CRELD2: variants seen among roughly 807,000 people sequenced by gnomAD.
CRELD2 encodes protein disulfide isomerase CRELD2.
A neutral mutation model predicts 48.1 loss-of-function variants in CRELD2; 33 were observed. The observed-to-expected ratio is 0.69, with a 90% CI of 0.52 to 0.92. CRELD2 has a LOEUF of 0.92. Among genes scored for constraint, CRELD2 ranks in the 40% least tolerant of loss-of-function variants. The pLI is 0.00. For synonymous variants in CRELD2, 220 were observed against 203.9 expected (o/e 1.08, Z -0.67); for missense variants, 477 against 482.4 (o/e 0.99, Z 0.10).
intron 5 of CRELD2, 126 bp downstream of exon 5, chr22:49,921,887 C>G: frequency 2.0e-6 from 2 of 976,494 alleles, no homozygotes; most frequent in East Asian, 2.5e-5. Context: ...AAGGAAGCTT[C>G]GAGGGCCCAG....
rs1339658511 is a variant in CRELD2 at position 49,925,553 on chromosome 22, G to A, written c.1005G>A (p.Glu335=). The change falls in exon 9 of 10, where the codon GAG becomes GAA. Residue 335 remains glutamate, a synonymous_variant. Transcript: ENST00000328268. ...AAGATGCCTGTGTGCCGCCGGCAGA[G>A]GCTGGTGAGTGGCACGGCTGCCCTC... is the stretch of plus-strand genomic sequence containing the variant. ...ETEDACVPPA[E]AEATEGESPT... is the part of the protein sequence containing the mutation. The A allele has an allele frequency of 2.5e-6, 4 of 1,613,554 alleles. No individual in the cohort carries two copies. The highest frequency in any genetic ancestry group is 3.4e-6 in the Non-Finnish European group (4 of 1,180,014).
At chr22:49,921,491 TA>T in intron 4 of CRELD2, 93 bp from the exon 5 acceptor site, 1 of 1,314,152 alleles carries the variant, frequency 7.6e-7, no homozygotes, top group South Asian at 1.4e-5. Flanking sequence ...CTCAGAATCG[TA>T]CAGGGTTTGG....
chr22:49,923,897 A>T lies in CRELD2; in HGVS notation c.773-463A>T. Reference sequence around the variant, plus strand: ...CCCCAGAAAAGTTGTGCTGATCCCCAGTCCCAGCAGCAGGGAGGAGGCCGC... The same window carrying T: ...CCCCAGAAAAGTTGTGCTGATCCCCTGTCCCAGCAGCAGGGAGGAGGCCGC... On this transcript the variant is annotated intron_variant, in intron 7 of 9. Transcript: ENST00000328268. The T allele has an allele frequency of 1.2e-5, 3 of 242,800 alleles. No homozygotes were observed. In the East Asian group the frequency reaches 3.7e-4, roughly 30 times the overall value. The allele number at this position is 242,800 out of a possible 1,614,324, so 15.0% of individuals were successfully genotyped here.
At chr22:49,923,194 G>A (rs1208388195) in intron 6 of CRELD2, 40 bp from the exon 7 acceptor site, 30 of 1,485,428 alleles carry the variant, frequency 2.0e-5, no homozygotes, top group Non-Finnish European at 2.7e-5. Context: ...CCCTGGCCGG[G>A]CTGTCCTGGG....
intron 2 of CRELD2, 104 bp from the exon 3 acceptor site, chr22:49,919,626 G>A (rs888717228): frequency 2.5e-6 from 2 of 812,518 alleles, no homozygotes; most frequent in Non-Finnish European, 3.9e-6. Flanking sequence ...TGTGCCCGGA[G>A]TCCTGGCTCC....
Position 49,920,151 on chromosome 22 carries a change from C to T in CRELD2, c.324-5C>T, listed in dbSNP as rs1182926118. On this transcript the variant is annotated splice_region_variant and splice_polypyrimidine_tract_variant and intron_variant, in intron 3 of 9. Transcript: ENST00000328268. ...GATTCAGTGAATGTTTTCCTCCATC[C>T]TCAGGAAGAGCGAATATCCTGACTT... 1 of 1,596,382 alleles carries T rather than the reference C, an allele frequency of 6.3e-7. No individual in the cohort carries two copies. The highest frequency in any genetic ancestry group is 1.7e-5 in the Admixed American group (1 of 59,858).
Position 49,918,829 on chromosome 22 carries a change from C to A in CRELD2, c.60C>A (p.Pro20=). The change falls in exon 1 of 10, where the codon CCC becomes CCA. Residue 20 remains proline, a synonymous_variant. Coordinates refer to ENST00000328268, the MANE Select transcript of CRELD2 (RefSeq NM_024324.5). ...TGCCGCTTCTGCTGCTGCTGCCGCC[C>A]GCGCCGGAGGCCGCCAAGAAGCCGA... is the stretch of plus-strand genomic sequence containing the variant. The part of the protein sequence containing the change: ...GLLPLLLLLP[P]APEAAKKPTP... The A allele has an allele frequency of 2.3e-6, 3 of 1,325,938 alleles. No homozygotes were observed. Among genetic ancestry groups the A allele is most frequent in the Non-Finnish European group, 2.9e-6 (3 of 1,041,802 alleles). The allele number at this position is 1,325,938 out of a possible 1,614,324, so 82.1% of individuals were successfully genotyped here.
At position 49,927,505 on chromosome 22, in the gene CRELD2, A is replaced by C; in HGVS notation, c.*198A>C. The stretch of plus-strand genomic sequence containing the variant: ...TGTATATTTTGATACAGTTCTTTGT[A>C]ATAAAATTGACCATTGTAGGTAATC... On this transcript the variant is annotated 3_prime_UTR_variant, in exon 10 of 10. Coordinates refer to ENST00000328268, the MANE Select transcript of CRELD2 (RefSeq NM_024324.5). 1.7e-6 allele frequency: 1 copy of C among 588,064 alleles called. No homozygotes were observed. The highest frequency in any genetic ancestry group is 3.1e-6 in the Non-Finnish European group (1 of 325,662). 36.4% of individuals were successfully genotyped at this position (588,064 alleles called of 1,614,324 possible). A position where few individuals can be genotyped will look rare whatever the true frequency, so the allele number is the denominator to read the frequency against.
At position 49,924,539 on chromosome 22, in the gene CRELD2, G is replaced by C. The variant is rs549923738; in HGVS notation, c.868+84G>C. ...AATGGCCCCAGCAGGTACTGCCAGG[G>C]ATGGGAAGCAGTTGAGACCCGTCCT... On this transcript the variant is annotated intron_variant, in intron 8 of 9. Transcript: ENST00000328268. The C allele has an allele frequency of 1.1e-4, 115 of 1,045,718 alleles. No homozygotes were observed. The African/African-American group carries it at 1.7e-3, about 15-fold the overall frequency. 64.8% of individuals were successfully genotyped at this position (1,045,718 alleles called of 1,614,324 possible).
intron 5 of CRELD2, chr22:49,922,149 T>G: frequency 1.1e-6 from 1 of 902,078 alleles, no homozygotes; most frequent in Non-Finnish European, 1.6e-6. Flanking sequence ...GGACGTTTTC[T>G]CCCTGGTTGT....
chr22:49,927,325 T>A lies in CRELD2; in HGVS notation c.*18T>A, dbSNP rs768743795. 5.6e-6 allele frequency: 9 copies of A among 1,607,316 alleles called. No individual in the cohort carries two copies. The East Asian group carries it at 2.0e-4, about 36-fold the overall frequency. On this transcript the variant is annotated 3_prime_UTR_variant, in exon 10 of 10. Transcript: ENST00000328268. ...ACCTGTAATGTGCCGGACTTACCCT[T>A]TAAATTATTCAGAAGGATGTCCCGT... is the stretch of plus-strand genomic sequence containing the variant.
At position 49,927,362 on chromosome 22, in the gene CRELD2, C is replaced by A; in HGVS notation, c.*55C>A. On this transcript the variant is annotated 3_prime_UTR_variant, in exon 10 of 10. Coordinates refer to ENST00000328268, the MANE Select transcript of CRELD2 (RefSeq NM_024324.5). ...GAAGGATGTCCCGTGGAAAATGTGG[C>A]CCTGAGGATGCCGTCTCCTGCAGTG... The A allele has an allele frequency of 1.3e-6, 2 of 1,491,308 alleles. No homozygotes were observed. Among genetic ancestry groups the A allele is most frequent in the Non-Finnish European group, 1.9e-6 (2 of 1,069,648 alleles). The allele number at this position is 1,491,308 out of a possible 1,614,324, so 92.4% of individuals were successfully genotyped here. A position where few individuals can be genotyped will look rare whatever the true frequency, so the allele number is the denominator to read the frequency against.
chr22:49,918,703 G>T lies in CRELD2; in HGVS notation c.-67G>T. On this transcript the variant is annotated 5_prime_UTR_variant, in exon 1 of 10. Transcript: ENST00000328268. ...GCGGCTGGGAGCGGGTGGGCGGCCG[G>T]GAGGCCGGAGCAGCACGGCCGCAGG... 1 of 593,060 alleles carries T rather than the reference G, an allele frequency of 1.7e-6. No homozygotes were observed. The highest frequency in any genetic ancestry group is 2.4e-6 in the Non-Finnish European group (1 of 409,670). The allele number at this position is 593,060 out of a possible 1,614,324, so 36.7% of individuals were successfully genotyped here.
intron 5 of CRELD2, 36 bp downstream of exon 5, chr22:49,921,797 G>A: frequency 6.3e-7 from 1 of 1,580,572 alleles, no homozygotes; most frequent in Non-Finnish European, 8.6e-7. Context: ...CGGGGTTGAG[G>A]CGGGATGACA....
At chr22:49,919,959 C>T (rs1037288410) in intron 3 of CRELD2, 119 bp downstream of exon 3, 4 of 844,872 alleles carry the variant, frequency 4.7e-6, no homozygotes, top group Admixed American at 2.4e-5. Flanking sequence ...TCGCACCCAC[C>T]TTACCCCTGC....
rs11545762 is a variant in CRELD2, at chr22:49,925,431, T to G, written c.883T>G (p.Ser295Ala). ...HGQCADVDEC[S>A]LAEKTCVRKN... ...TTTCATTTTAGATGTGGACGAGTGC[T>G]CACTAGCAGAAAAAACCTGTGTGAG... is the stretch of plus-strand genomic sequence containing the variant. Residue 295 changes from serine (S) to alanine (A), a missense_variant, in exon 9 of 10, where the codon TCA (serine) becomes GCA (alanine). By Grantham distance (99) the Ser-to-Ala change is moderately conservative (BLOSUM62 1). Coordinates refer to ENST00000328268, the MANE Select transcript of CRELD2 (RefSeq NM_024324.5). 0.1 allele frequency: 161,103 copies of G among 1,607,066 alleles called. 8,701 individuals are homozygous for G. The highest frequency in any genetic ancestry group is 0.13 in the South Asian group (11,593 of 90,670).
chr22:49,919,243 C>G lies in CRELD2; in HGVS notation c.143C>G (p.Thr48Ser). The G allele has an allele frequency of 6.2e-7, 1 of 1,613,742 alleles. No homozygotes were observed. Reference sequence around the variant, plus strand: ...GTCTCCTCGCAGGGGATGGTGGACACCGCAAAGAAGAACTTTGGCGGCGGG... The same window carrying G: ...GTCTCCTCGCAGGGGATGGTGGACAGCGCAAAGAAGAACTTTGGCGGCGGG... ...VDKFNQGMVD[T>S]AKKNFGGGNT... is the part of the protein sequence containing the mutation. The change falls in exon 2 of 10, where the codon ACC (threonine) becomes AGC (serine). Residue 48 changes from threonine to serine, a missense_variant. By Grantham distance (58) the Thr-to-Ser change is moderately conservative. Transcript: ENST00000328268.
intron 7 of CRELD2, chr22:49,923,799 A>C: frequency 3.8e-6 from 1 of 263,560 alleles, no homozygotes; most frequent in Non-Finnish European, 7.4e-6. Flanking sequence ...AACTTTTCAC[A>C]TTCCTTATGA....
Position 49,922,547 on chromosome 22 carries a change from G to A in CRELD2, c.593-65G>A, listed in dbSNP as rs556929569. On this transcript the variant is annotated intron_variant, in intron 5 of 9. Coordinates refer to ENST00000328268, the MANE Select transcript of CRELD2 (RefSeq NM_024324.5). Reference sequence around the variant, plus strand: ...CCTCTTAAATTCCTCACTTTTAAACGAGCCTTGTCCCCAAGCTGGTACCTG... The same window carrying A: ...CCTCTTAAATTCCTCACTTTTAAACAAGCCTTGTCCCCAAGCTGGTACCTG... 59 of 1,482,900 alleles carry A rather than the reference G, an allele frequency of 4.0e-5. No homozygotes were observed. In the African/African-American group the frequency reaches 7.0e-4, roughly 18 times the overall value. 91.9% of individuals were successfully genotyped at this position (1,482,900 alleles called of 1,614,324 possible).
Sources: allele counts gnomAD v4.1 joint callset, GRCh38; gene constraint gnomAD v4.1.1; transcripts MANE v1.5; gene names NCBI Gene and HGNC (gene_info 2026-07-23, HGNC 2026-07-21).